Variants in ATP9A observed in about 807,000 individuals in gnomAD.
The protein encoded by ATP9A is ATPase phospholipid transporting 9A, also known as probable phospholipid-transporting ATPase IIA.
A neutral mutation model predicts 144.1 loss-of-function variants in ATP9A; 52 were observed. The observed-to-expected ratio is 0.36, with a 90% CI of 0.29 to 0.45. ATP9A has a LOEUF of 0.45. Ranked by LOEUF, ATP9A falls within the 20% of genes least tolerant of loss-of-function variation. The probability of loss-of-function intolerance (pLI) is 1.00; values close to 1 mark genes in which losing one functional copy is unlikely to be tolerated. For synonymous variants in ATP9A, 582 were observed against 557.4 expected, an observed-to-expected ratio of 1.04 and a Z score of -0.62; for missense variants, 947 against 1,392.7, an observed-to-expected ratio of 0.68 and a Z score of 5.09.
intron 24 of ATP9A, 55 bp downstream of exon 24, chr20:51,610,046 G>T: frequency 1.4e-6 from 2 of 1,464,144 alleles, no homozygotes; most frequent in Non-Finnish European, 1.9e-6. Flanking sequence ...TCTCTCTGTT[G>T]CAGCATTTGA....
At chr20:51,629,212 C>A in intron 15 of ATP9A, 140 bp from the exon 16 acceptor site, 8 of 571,438 alleles carry the variant, frequency 1.4e-5, no homozygotes, top group East Asian at 2.8e-5. Flanking sequence ...AGATGAAAAG[C>A]GAGAAGGGGC....
chr20:51,631,431 TCAA>T (rs954304174), intron 15 of ATP9A, among the ~76,000 whole-genome samples: 2 of 152,084 alleles, frequency 1.3e-5, no homozygotes, highest in African/African-American at 4.8e-5. Context: ...CAAAGGGTGC[TCAA>T]CAACATGTGG....
chr20:51,603,946 G>T, intron 27 of ATP9A, among the ~76,000 whole-genome samples: 1 of 151,952 alleles, frequency 6.6e-6, no homozygotes, highest in East Asian at 1.9e-4. Flanking sequence ...ACGCCCTGCT[G>T]ATTTTTGTAT....
chr20:51,689,172 C>A (rs764812709), intron 8 of ATP9A, 33 bp from the exon 9 acceptor site: 2 of 1,599,798 alleles, frequency 1.3e-6, no homozygotes, highest in Non-Finnish European at 1.7e-6. Flanking sequence ...ACGTTCACCC[C>A]CCAAAGCTTC....
At chr20:51,737,257 G>A (rs1487695220) in intron 1 of ATP9A, among the ~76,000 whole-genome samples, 1 of 152,180 alleles carries the variant, frequency 6.6e-6, no homozygotes, top group Admixed American at 6.5e-5. Context: ...AATTGGAAGC[G>A]TCTTTGGGGA....
At chr20:51,747,096 T>C (rs1164582887) in intron 1 of ATP9A, among the ~76,000 whole-genome samples, 1 of 108,248 alleles carries the variant, frequency 9.2e-6, no homozygotes, top group Non-Finnish European at 1.9e-5. Context: ...TCTGGGTTTT[T>C]CGTTTTTTTT....
intron 9 of ATP9A, among the ~76,000 whole-genome samples, chr20:51,681,427 C>CTTTTTTT (rs66579534): frequency 2.4e-4 from 32 of 131,604 alleles, no homozygotes; most frequent in African/African-American, 3.8e-4. Flanking sequence ...TCCTAAATTT[C>CTTTTTTT]TTTTTTTTTT....
chr20:51,606,288 C>A (rs1352874822), intron 26 of ATP9A, among the ~76,000 whole-genome samples: 1 of 152,214 alleles, frequency 6.6e-6, no homozygotes, highest in Non-Finnish European at 1.5e-5. Flanking sequence ...CCCAAATACA[C>A]ATGTTTATTT....
rs1200819397 is a variant in ATP9A, at chr20:51,644,276, T to TTC, written c.1507-4773_1507-4772insGA. Among the ~76,000 whole-genome samples the TTC allele has an allele frequency of 6.5e-4, 93 of 143,256 alleles. No individual in the cohort carries two copies. The South Asian group carries it at 0.012, about 18-fold the overall frequency. The allele number at this position is 143,256 out of a possible 152,430, so 94.0% of individuals were successfully genotyped here. ...TAGCTTTTACTTCTAGCTTTTTTTT[T>TTC]TTTTTTTTTTTTTTGAGACGGAGTC... On this transcript the variant is annotated intron_variant, in intron 14 of 27. Coordinates refer to ENST00000338821, the MANE Select transcript of ATP9A (RefSeq NM_006045.3).
intron 3 of ATP9A, among the ~76,000 whole-genome samples, chr20:51,713,754 G>C (rs1483087139): frequency 6.6e-6 from 1 of 152,158 alleles, no homozygotes; most frequent in Non-Finnish European, 1.5e-5. Context: ...GACATACACT[G>C]CAACCCCATT....
chr20:51,682,612 C>T (rs2077505104), intron 9 of ATP9A, among the ~76,000 whole-genome samples: 1 of 28,918 alleles, frequency 3.5e-5, no homozygotes, highest in Admixed American at 4.5e-4. Flanking sequence ...TTTTTTGAGA[C>T]AGAGTTTCCC....
intron 15 of ATP9A, among the ~76,000 whole-genome samples, chr20:51,635,514 G>A (rs887629446): frequency 6.6e-6 from 1 of 152,174 alleles, no homozygotes; most frequent in South Asian, 2.1e-4. Context: ...GAGATGGGAG[G>A]ATCATTTGAG....
intron 4 of ATP9A, among the ~76,000 whole-genome samples, chr20:51,707,246 T>C (rs539581939): frequency 5.3e-5 from 8 of 152,156 alleles, no homozygotes; most frequent in Admixed American, 2.6e-4. Flanking sequence ...ACATGTTCAT[T>C]TGCATTGGGT....
At chr20:51,637,694 A>G (rs1601073201) in intron 15 of ATP9A, among the ~76,000 whole-genome samples, 1 of 125,838 alleles carries the variant, frequency 7.9e-6, no homozygotes, top group African/African-American at 2.8e-5. Context: ...CTACTTGTGC[A>G]CTCTGTTTTT....
intron 26 of ATP9A, among the ~76,000 whole-genome samples, chr20:51,606,439 G>A (rs1385148449): frequency 1.3e-5 from 2 of 152,176 alleles, no homozygotes; most frequent in Non-Finnish European, 2.9e-5. Flanking sequence ...GCTCATGCCT[G>A]TAATCCCAAC....
At chr20:51,620,727 C>CA (rs967133691) in intron 19 of ATP9A, among the ~76,000 whole-genome samples, 4 of 151,650 alleles carry the variant, frequency 2.6e-5, no homozygotes, top group African/African-American at 9.7e-5. Context: ...CATAAAAATG[C>CA]AAAAAACCGG....
chr20:51,663,828 T>A (rs1187978011), intron 13 of ATP9A, among the ~76,000 whole-genome samples: 1 of 148,492 alleles, frequency 6.7e-6, no homozygotes, highest in Admixed American at 6.7e-5. Context: ...GAACATAAAC[T>A]GAACTTTGTA....
intron 14 of ATP9A, among the ~76,000 whole-genome samples, chr20:51,650,394 C>T (rs1485071076): frequency 1.6e-4 from 25 of 151,920 alleles, no homozygotes; most frequent in African/African-American, 4.1e-4. Context: ...ATTAGCTGGG[C>T]GTGATGGCGT....
chr20:51,681,396 T>C (rs2077499004), intron 9 of ATP9A, among the ~76,000 whole-genome samples: 2 of 151,390 alleles, frequency 1.3e-5, no homozygotes, highest in Admixed American at 6.6e-5. Context: ...TAAAACTCTC[T>C]CCCATTTCCT....
Sources: allele counts gnomAD v4.1 joint callset (sites outside exome capture counted in the v4.1 genomes callset), GRCh38; gene constraint gnomAD v4.1.1; transcripts MANE v1.5; gene names NCBI Gene and HGNC (gene_info 2026-07-23, HGNC 2026-07-21).